The following PXN variants were observed in gnomAD, a reference collection of about 807,000 sequenced individuals.
PXN encodes the protein paxillin.
Under a neutral mutation model 103.6 loss-of-function variants are expected in PXN, and 61 were observed. The ratio of observed to expected loss-of-function variants is 0.59; its 90% CI spans 0.48 to 0.73. The LOEUF is 0.73. PXN is among the 30% of genes least tolerant of loss of function. The probability of loss-of-function intolerance (pLI) is 0.00; values close to 1 mark genes in which losing one functional copy is unlikely to be tolerated. For synonymous variants in PXN, 562 were observed against 607.8 expected (o/e 0.92, Z 1.11); for missense variants, 1,274 against 1,460.3 (o/e 0.87, Z 2.08).
chr12:120,253,750 G>A (rs1284911644), intron 1 of PXN, among the ~76,000 whole-genome samples: 1 of 152,200 alleles, frequency 6.6e-6, no homozygotes, highest in Non-Finnish European at 1.5e-5. Flanking sequence ...GAATTATTCA[G>A]CCTTAAAAAG....
intron 1 of PXN, among the ~76,000 whole-genome samples, chr12:120,236,953 G>A (rs1263833341): frequency 6.6e-6 from 1 of 151,018 alleles, no homozygotes; most frequent in Non-Finnish European, 1.5e-5. Context: ...TACAGTGCAT[G>A]CCACCACACT....
chr12:120,256,153 A>T (rs1415915819), intron 1 of PXN, among the ~76,000 whole-genome samples: 1 of 151,606 alleles, frequency 6.6e-6, no homozygotes, highest in Admixed American at 6.6e-5. Context: ...GCTCACACTT[A>T]TAATACCAGC....
At position 120,216,610 on chromosome 12, in the gene PXN, G is replaced by A. The variant is rs1883106015; in HGVS notation, c.1993-29C>T. 6.7e-7 allele frequency: 1 copy of A among 1,498,256 alleles called. No individual in the cohort carries two copies. Among genetic ancestry groups the A allele is most frequent in the Non-Finnish European group, 8.8e-7 (1 of 1,139,468 alleles). 92.8% of individuals were successfully genotyped at this position (1,498,256 alleles called of 1,614,324 possible). A position where few individuals can be genotyped will look rare whatever the true frequency, so the allele number is the denominator to read the frequency against. On this transcript the variant is annotated intron_variant, in intron 8 of 14. Coordinates refer to ENST00000637617, the MANE Select transcript of PXN (RefSeq NM_001385981.1). The surrounding 1 kb of genome is among the most constrained non-coding windows in gnomAD (Gnocchi z 5.1). ...GGGAGAAGAAAGGAGGGAGAGCGAT[G>A]AGGAAGAAATCGCCAGCTCAGCCCA... is the stretch of plus-strand genomic sequence containing the variant.
Position 120,212,358 on chromosome 12 carries a change from C to G in PXN, c.3202G>C (p.Asp1068His), listed in dbSNP as rs751747291. 1 of 1,613,908 alleles carries G rather than the reference C, an allele frequency of 6.2e-7. No individual in the cohort carries two copies. Among genetic ancestry groups the G allele is most frequent in the Non-Finnish European group, 8.5e-7 (1 of 1,179,876 alleles). The change falls in exon 15 of 15, where the codon GAC (aspartate) becomes CAC (histidine). Residue 1068 changes from aspartate to histidine, a missense_variant. By Grantham distance (81) the Asp-to-His change is moderately conservative. Around this residue, in one of 2 missense-constraint regions of PXN, gnomAD observed 96 missense variants for 151.3 expected, o/e 0.63. Coordinates refer to ENST00000637617, the MANE Select transcript of PXN (RefSeq NM_001385981.1). This position sits in a 1 kb window ranked among gnomAD's most constrained non-coding sequence, Gnocchi z 7.2. The part of the protein sequence containing the change: ...LNKGTFKEQN[D>H]KPYCQNCFLK... ...AAGCAGTTCTGACAGTAAGGCTTGTCGTTCTGCTCCTTGAAGGTGCCCTTG... is the reference window on the plus strand; with the variant it reads ...AAGCAGTTCTGACAGTAAGGCTTGTGGTTCTGCTCCTTGAAGGTGCCCTTG...
chr12:120,237,126 C>CGTGT (rs147625061), intron 1 of PXN, among the ~76,000 whole-genome samples: 4,889 of 142,446 alleles, frequency 0.034, 262 homozygotes, highest in African/African-American at 0.11. Flanking sequence ...TATGTATGTA[C>CGTGT]GTGTGTGTGT....
At position 120,222,292 on chromosome 12, in the gene PXN, T is replaced by A. The variant is rs1594393995; in HGVS notation, c.695+257A>T. On this transcript the variant is annotated intron_variant, in intron 5 of 14. Transcript: ENST00000637617. This position sits in a 1 kb window ranked among gnomAD's most constrained non-coding sequence, Gnocchi z 4.7. ...CAGAGCCAAGATGTGAACCCCACTGTGTGGCCCCAAAGCCTGTGCTAAGAG... is the reference window on the plus strand; with the variant it reads ...CAGAGCCAAGATGTGAACCCCACTGAGTGGCCCCAAAGCCTGTGCTAAGAG... 6.6e-6 allele frequency among the ~76,000 whole-genome samples: 1 copy of A among 152,330 alleles called. No individual in the cohort carries two copies. Among genetic ancestry groups the A allele is most frequent in the East Asian group, 1.9e-4 (1 of 5,188 alleles).
chr12:120,249,390 C>T (rs992500491), intron 1 of PXN, among the ~76,000 whole-genome samples: 8 of 151,952 alleles, frequency 5.3e-5, no homozygotes, highest in Admixed American at 5.2e-4. Flanking sequence ...CTGATAATAC[C>T]CAACAGGCCA....
At chr12:120,233,532 C>G (rs1888463216) in intron 1 of PXN, among the ~76,000 whole-genome samples, 1 of 152,164 alleles carries the variant, frequency 6.6e-6, no homozygotes, top group Non-Finnish European at 1.5e-5. Context: ...TCTCGAACTC[C>G]TGACTTCAAG....
chr12:120,242,128 C>A (rs993149043), intron 1 of PXN, among the ~76,000 whole-genome samples: 6 of 152,098 alleles, frequency 3.9e-5, no homozygotes, highest in Non-Finnish European at 7.3e-5. Flanking sequence ...CACAGTGTTC[C>A]CTGAGCCAGG....
At position 120,212,151 on chromosome 12, in the gene PXN, G is replaced by T; in HGVS notation, c.*163C>A. The T allele has an allele frequency of 9.2e-7, 1 of 1,082,066 alleles. No homozygotes were observed. Among genetic ancestry groups the T allele is most frequent in the Non-Finnish European group, 1.4e-6 (1 of 734,374 alleles). The allele number at this position is 1,082,066 out of a possible 1,614,324, so 67.0% of individuals were successfully genotyped here. A position where few individuals can be genotyped will look rare whatever the true frequency, so the allele number is the denominator to read the frequency against. On this transcript the variant is annotated 3_prime_UTR_variant, in exon 15 of 15. Coordinates refer to ENST00000637617, the MANE Select transcript of PXN (RefSeq NM_001385981.1). The surrounding 1 kb of genome is among the most constrained non-coding windows in gnomAD (Gnocchi z 7.2). The stretch of plus-strand genomic sequence containing the variant: ...GAGGCTCTGGCAGGGGTGAAGACAA[G>T]CAGGGGGACCCCTCACGGCCCTCTG...
In PXN at chr12:120,229,374, G is replaced by A. The variant is rs554179828; in HGVS notation, c.14-4997C>T. Among the ~76,000 whole-genome samples the A allele has an allele frequency of 4.6e-5, 7 of 152,182 alleles. No homozygotes were observed. Among genetic ancestry groups the A allele is most frequent in the Non-Finnish European group, 7.3e-5 (5 of 68,036 alleles). On this transcript the variant is annotated intron_variant, in intron 1 of 14. Transcript: ENST00000637617. The surrounding 1 kb of genome is among the most constrained non-coding windows in gnomAD (Gnocchi z 4.0). ...AGACCAGAGGCCTGGAGCTGGACAG[G>A]TGCCAAGAGAGAGGAGATAAAAGTC...
At position 120,229,672 on chromosome 12, in the gene PXN, A is replaced by C. The variant is rs1247228379; in HGVS notation, c.14-5295T>G. On this transcript the variant is annotated intron_variant, in intron 1 of 14. Transcript: ENST00000637617. The surrounding 1 kb of genome is among the most constrained non-coding windows in gnomAD (Gnocchi z 4.0). ...GCACAGTGCCTGGAATACAGCACACAGGAAATGGGAGTTGCTAAATAGATT... is the reference window on the plus strand; with the variant it reads ...GCACAGTGCCTGGAATACAGCACACCGGAAATGGGAGTTGCTAAATAGATT... Among the ~76,000 whole-genome samples the C allele has an allele frequency of 2.6e-5, 4 of 152,234 alleles. No individual in the cohort carries two copies. The highest frequency in any genetic ancestry group is 4.4e-5 in the Non-Finnish European group (3 of 68,038).
Position 120,214,757 on chromosome 12 carries a change from C to T in PXN, c.2748+68G>A. 2 of 1,582,070 alleles carry T rather than the reference C, an allele frequency of 1.3e-6. No homozygotes were observed. The highest frequency in any genetic ancestry group is 1.7e-6 in the Non-Finnish European group (2 of 1,158,330). Reference sequence around the variant, plus strand: ...TCTGAGCCTCCCACGGCACCCCCTGCATCCTCAGAGGGCTGCGGTGAAGCT... The same window carrying T: ...TCTGAGCCTCCCACGGCACCCCCTGTATCCTCAGAGGGCTGCGGTGAAGCT... On this transcript the variant is annotated intron_variant, in intron 12 of 14. Coordinates refer to ENST00000637617, the MANE Select transcript of PXN (RefSeq NM_001385981.1). This position sits in a 1 kb window ranked among gnomAD's most constrained non-coding sequence, Gnocchi z 5.0.
intron 1 of PXN, among the ~76,000 whole-genome samples, chr12:120,231,164 GTCTTC>G (rs1201990010): frequency 6.6e-6 from 1 of 152,182 alleles, no homozygotes; most frequent in African/African-American, 2.4e-5. Flanking sequence ...CTCTCTGGAT[GTCTTC>G]TCTATCAAGA....
intron 1 of PXN, among the ~76,000 whole-genome samples, chr12:120,237,077 C>T (rs781264322): frequency 1.3e-5 from 2 of 151,642 alleles, no homozygotes; most frequent in African/African-American, 4.9e-5. Flanking sequence ...GCTAGGATTA[C>T]GGGCATGAGC....
In PXN at chr12:120,228,948, T is replaced by C. The variant is rs545554962; in HGVS notation, c.14-4571A>G. ...AGGCTGAGAGGAAGAAGCCCTTCCC[T>C]GGGCCTCAGCAACTGACTGAGCGTA... On this transcript the variant is annotated intron_variant, in intron 1 of 14. Coordinates refer to ENST00000637617, the MANE Select transcript of PXN (RefSeq NM_001385981.1). The surrounding 1 kb of genome is among the most constrained non-coding windows in gnomAD (Gnocchi z 4.7). Among the ~76,000 whole-genome samples, 1 of 152,306 alleles carries C rather than the reference T, an allele frequency of 6.6e-6. No homozygotes were observed. The highest frequency in any genetic ancestry group is 1.5e-5 in the Non-Finnish European group (1 of 68,012).
Position 120,225,811 on chromosome 12 carries a change from G to T in PXN, c.14-1434C>A. The stretch of plus-strand genomic sequence containing the variant: ...CAACCTGTGTTCAGAGGAGGGAATA[G>T]AGAAGCAAGGCCCTCACCCAGGGCC... On this transcript the variant is annotated intron_variant, in intron 1 of 14. Transcript: ENST00000637617. The surrounding 1 kb of genome is among the most constrained non-coding windows in gnomAD (Gnocchi z 4.4). 1 of 154,572 alleles carries T rather than the reference G, an allele frequency of 6.5e-6. No homozygotes were observed. Among genetic ancestry groups the T allele is most frequent in the Non-Finnish European group, 1.4e-5 (1 of 69,500 alleles). The allele number at this position is 154,572 out of a possible 1,614,324, so 9.6% of individuals were successfully genotyped here.
chr12:120,227,739 C>A (rs758562476), intron 1 of PXN, among the ~76,000 whole-genome samples: 1 of 152,152 alleles, frequency 6.6e-6, no homozygotes, highest in East Asian at 1.9e-4. Context: ...AAACCCCCCA[C>A]AAACTCCTCA....
intron 1 of PXN, chr12:120,226,410 G>C: frequency 7.8e-7 from 1 of 1,289,220 alleles, no homozygotes; most frequent in South Asian, 1.2e-5. Context: ...CTGCGGTTCA[G>C]AGGCAGAGTC....
Sources: gnomAD v4.1 joint callset for allele counts (sites outside exome capture counted in the v4.1 genomes callset) on GRCh38, gnomAD v4.1.1 for gene constraint, gnomAD v4.1.1 regional missense constraint, Gnocchi (gnomAD v3.1) non-coding constraint, MANE v1.5 for transcripts, NCBI Gene and HGNC (gene_info 2026-07-23, HGNC 2026-07-21) for gene names.